Variants in SCAPER observed in about 807,000 individuals in gnomAD.
SCAPER encodes the protein S phase cyclin A-associated protein in the endoplasmic reticulum.
A neutral mutation model predicts 182.2 loss-of-function variants in SCAPER; 98 were observed. That is an observed-to-expected ratio of 0.54 (90% CI 0.46 to 0.64). SCAPER has a LOEUF of 0.64. SCAPER is among the 30% of genes least tolerant of loss of function. The pLI, the probability that SCAPER is intolerant of heterozygous loss-of-function variation, is 0.00. For synonymous variants in SCAPER, 605 were observed against 564.6 expected (o/e 1.07, Z -1.01); for missense variants, 1,432 against 1,690.0 (o/e 0.85, Z 2.68).
intron 18 of SCAPER, among the ~76,000 whole-genome samples, chr15:76,704,245 G>T (rs1205941531): frequency 1.3e-5 from 2 of 152,190 alleles, no homozygotes; most frequent in African/African-American, 2.4e-5. Context: ...TGAGTAGGTT[G>T]CGAGAATTTT....
chr15:76,643,189 C>T (rs1264665118), intron 21 of SCAPER, among the ~76,000 whole-genome samples: 1 of 152,202 alleles, frequency 6.6e-6, no homozygotes, highest in Non-Finnish European at 1.5e-5. Flanking sequence ...CACATCAGGA[C>T]ATCCACAGAA....
chr15:76,711,955 G>A (rs920310366), intron 17 of SCAPER, among the ~76,000 whole-genome samples: 6 of 152,148 alleles, frequency 3.9e-5, no homozygotes, highest in Admixed American at 6.5e-5. Context: ...GATCCCATTT[G>A]TCAATTTTGG....
At chr15:76,736,868 C>A in intron 15 of SCAPER, 1 of 167,020 alleles carries the variant, frequency 6.0e-6, no homozygotes, top group East Asian at 1.8e-4. Context: ...AATCTCCAAA[C>A]AAGTTCTCAA....
intron 21 of SCAPER, among the ~76,000 whole-genome samples, chr15:76,648,945 T>G (rs2054781842): frequency 6.6e-6 from 1 of 152,214 alleles, no homozygotes. Context: ...TAGGGTGGGA[T>G]AGCCAGCTTC....
At chr15:76,846,477 T>C (rs1331860736) in intron 4 of SCAPER, among the ~76,000 whole-genome samples, 1 of 152,024 alleles carries the variant, frequency 6.6e-6, no homozygotes, top group African/African-American at 2.4e-5. Flanking sequence ...AACCAGAATA[T>C]ATAAGGAGCT....
At chr15:76,540,958 T>C (rs1456029889) in intron 23 of SCAPER, among the ~76,000 whole-genome samples, 1 of 151,630 alleles carries the variant, frequency 6.6e-6, no homozygotes, top group Non-Finnish European at 1.5e-5. Context: ...CCATCTCTAA[T>C]AAAAATACAA....
intron 24 of SCAPER, among the ~76,000 whole-genome samples, chr15:76,485,108 C>G (rs2051490654): frequency 6.6e-6 from 1 of 152,112 alleles, no homozygotes; most frequent in South Asian, 2.1e-4. Flanking sequence ...AGTGGAAGTA[C>G]AACTATTTCT....
chr15:76,813,692 T>G (rs1224692432), intron 5 of SCAPER, among the ~76,000 whole-genome samples: 2 of 152,118 alleles, frequency 1.3e-5, no homozygotes, highest in Non-Finnish European at 2.9e-5. Context: ...AAAGAAATTT[T>G]CAAAATCCTA....
chr15:76,807,832 AT>A (rs2066287487), intron 5 of SCAPER, among the ~76,000 whole-genome samples: 1 of 152,086 alleles, frequency 6.6e-6, no homozygotes, highest in Non-Finnish European at 1.5e-5. Context: ...GTTGCCAGTT[AT>A]AAAGCTATGT....
chr15:76,894,398 T>C (rs1474854651), intron 1 of SCAPER, among the ~76,000 whole-genome samples: 1 of 152,088 alleles, frequency 6.6e-6, no homozygotes, highest in African/African-American at 2.4e-5. Flanking sequence ...GACTAGTCTC[T>C]ACGTTCCAGC....
At chr15:76,404,379 A>G (rs1160218911) in intron 27 of SCAPER, 145 bp downstream of exon 27, 9 of 750,502 alleles carry the variant, frequency 1.2e-5, no homozygotes, top group African/African-American at 1.7e-5. Flanking sequence ...ACATCTCAAT[A>G]TAGAAAGCCA....
intron 23 of SCAPER, among the ~76,000 whole-genome samples, chr15:76,521,192 G>A (rs1004069105): frequency 6.6e-6 from 1 of 152,082 alleles, no homozygotes; most frequent in African/African-American, 2.4e-5. Context: ...ATGAGACAAA[G>A]ATATGCCTTG....
At chr15:76,856,385 C>A (rs1379246243) in intron 4 of SCAPER, among the ~76,000 whole-genome samples, 2 of 151,788 alleles carry the variant, frequency 1.3e-5, no homozygotes, top group African/African-American at 4.8e-5. Flanking sequence ...ATATAACAAA[C>A]CTGCATATGT....
intron 17 of SCAPER, among the ~76,000 whole-genome samples, chr15:76,713,630 G>C (rs1038852599): frequency 1.3e-5 from 2 of 151,952 alleles, no homozygotes; most frequent in African/African-American, 4.8e-5. Context: ...GGACTGTTGT[G>C]GGGTGGGGGG....
chr15:76,875,314 G>T (rs1049793728), intron 2 of SCAPER, among the ~76,000 whole-genome samples: 2 of 152,298 alleles, frequency 1.3e-5, no homozygotes, highest in Middle Eastern at 3.4e-3. Context: ...TAAGAGAAAA[G>T]ATGTGAAAAT....
chr15:76,805,696 TAGCTGG>T (rs1204325574), intron 5 of SCAPER, among the ~76,000 whole-genome samples: 20 of 151,832 alleles, frequency 1.3e-4, no homozygotes, highest in Non-Finnish European at 2.2e-4. Context: ...GCCTCCCAAG[TAGCTGG>T]GATTACAGGC....
At chr15:76,467,441 CT>C (rs11361300) in intron 25 of SCAPER, among the ~76,000 whole-genome samples, 139,038 of 143,750 alleles carry the variant, frequency 0.97, 67,254 homozygotes, top group East Asian at 1. Flanking sequence ...GTTGGGGTGT[CT>C]TTTTTTTTTT....
intron 23 of SCAPER, among the ~76,000 whole-genome samples, chr15:76,532,553 T>C (rs1422408340): frequency 1.3e-5 from 2 of 152,238 alleles, no homozygotes; most frequent in African/African-American, 4.8e-5. Flanking sequence ...TGCAGGCTAA[T>C]GCTGACTTTT....
At chr15:76,693,626 C>T (rs943791133) in intron 20 of SCAPER, among the ~76,000 whole-genome samples, 17 of 152,000 alleles carry the variant, frequency 1.1e-4, no homozygotes, top group Non-Finnish European at 2.2e-4. Flanking sequence ...ATATAGTATA[C>T]ACAATTGAAT....
Sources: gnomAD v4.1 joint callset for allele counts (sites outside exome capture counted in the v4.1 genomes callset) on GRCh38, gnomAD v4.1.1 for gene constraint, MANE v1.5 for transcripts, NCBI Gene and HGNC (gene_info 2026-07-23, HGNC 2026-07-21) for gene names.